The following C16orf74 variants were observed in gnomAD, a reference collection of about 807,000 sequenced individuals.
C16orf74 encodes the protein calcimembrin.
C16orf74 carries 10 observed loss-of-function variants against 6.5 expected under a neutral mutation model. The observed-to-expected ratio is 1.54, with a 90% CI of 0.95 to 2.61. The LOEUF (loss-of-function observed/expected upper bound fraction) is 2.61. Among genes scored for constraint, C16orf74 ranks in the 30% most tolerant of loss-of-function variants. The probability of loss-of-function intolerance (pLI) is 0.00; values close to 1 mark genes in which losing one functional copy is unlikely to be tolerated. For synonymous variants in C16orf74, 60 were observed against 42.5 expected (o/e 1.41, Z -1.60); for missense variants, 141 against 105.9 (o/e 1.33, Z -1.45).
rs549251335 is a variant in C16orf74, at chr16:85,741,427, A to T, written c.-18-6192T>A. ...GAGGGAAGGAGGGAAGAAGCAAACC[A>T]GAGGATGGGGGACCAGGAGCAGCTC... On this transcript the variant is annotated intron_variant, in intron 1 of 3. Transcript: ENST00000284245. Among the ~76,000 whole-genome samples, 9 of 152,300 alleles carry T rather than the reference A, an allele frequency of 5.9e-5. No homozygotes were observed. The South Asian group carries it at 1.9e-3, about 32-fold the overall frequency.
chr16:85,729,765 G>A (rs1461218266), intron 2 of C16orf74, among the ~76,000 whole-genome samples: 2 of 152,182 alleles, frequency 1.3e-5, no homozygotes, highest in Admixed American at 6.5e-5. Flanking sequence ...GGAAGGCCAC[G>A]TGAAGACAGA....
intron 2 of C16orf74, among the ~76,000 whole-genome samples, chr16:85,713,746 A>G (rs2053992255): frequency 7.6e-6 from 1 of 131,258 alleles, no homozygotes; most frequent in South Asian, 2.7e-4. Context: ...ACACGGTTCA[A>G]TCCTTAAAGC....
chr16:85,733,110 C>A (rs1219419197), intron 2 of C16orf74, among the ~76,000 whole-genome samples: 1 of 152,194 alleles, frequency 6.6e-6, no homozygotes, highest in African/African-American at 2.4e-5. Flanking sequence ...GTTTCTCCGT[C>A]AAAGATGTCC....
At chr16:85,745,449 T>C (rs1474651090) in intron 1 of C16orf74, among the ~76,000 whole-genome samples, 1 of 152,252 alleles carries the variant, frequency 6.6e-6, no homozygotes, top group Non-Finnish European at 1.5e-5. Context: ...GCTTGCCCTC[T>C]ACAGATTTTC....
intron 2 of C16orf74, among the ~76,000 whole-genome samples, chr16:85,712,936 C>T (rs1402415059): frequency 6.6e-6 from 1 of 152,194 alleles, no homozygotes; most frequent in Admixed American, 6.5e-5. Context: ...GGAGAGACAG[C>T]AGCCTGCAGC....
intron 1 of C16orf74, among the ~76,000 whole-genome samples, chr16:85,747,813 C>T (rs1319272937): frequency 6.6e-6 from 1 of 151,978 alleles, no homozygotes; most frequent in Non-Finnish European, 1.5e-5. Flanking sequence ...TCCAGCTGGG[C>T]GCAAGGACTC....
At chr16:85,726,871 G>C (rs539350299) in intron 2 of C16orf74, among the ~76,000 whole-genome samples, 3 of 152,046 alleles carry the variant, frequency 2.0e-5, no homozygotes, top group African/African-American at 7.2e-5. Context: ...TTGCTTCCCA[G>C]CCCGTGCCCA....
chr16:85,719,528 G>C (rs998152401), intron 2 of C16orf74, among the ~76,000 whole-genome samples: 1 of 152,104 alleles, frequency 6.6e-6, no homozygotes, highest in African/African-American at 2.4e-5. Context: ...GCACACTGAG[G>C]CACAGAGAAG....
intron 2 of C16orf74, among the ~76,000 whole-genome samples, chr16:85,727,013 C>T (rs543520793): frequency 6.6e-6 from 1 of 152,372 alleles, no homozygotes; most frequent in South Asian, 2.1e-4. Context: ...CCATCCAGCA[C>T]TGAGTTAGCA....
rs1189313327 is a variant in C16orf74, at chr16:85,724,239, G to A, written c.28+10951C>T. Reference sequence around the variant, plus strand: ...GCAACACAAAGCCAGGGAGACCCCCGGTGGGACCGTGAGTCCCAGCACCTC... The same window carrying A: ...GCAACACAAAGCCAGGGAGACCCCCAGTGGGACCGTGAGTCCCAGCACCTC... On this transcript the variant is annotated intron_variant, in intron 2 of 3. Transcript: ENST00000284245. Among the ~76,000 whole-genome samples the A allele has an allele frequency of 7.2e-5, 11 of 152,274 alleles. No individual in the cohort carries two copies. The East Asian group carries it at 1.5e-3, about 21-fold the overall frequency.
Position 85,707,995 on chromosome 16 carries a change from C to G in C16orf74, c.*13G>C. 1 of 1,551,774 alleles carries G rather than the reference C, an allele frequency of 6.4e-7. No individual in the cohort carries two copies. Among genetic ancestry groups the G allele is most frequent in the Middle Eastern group, 1.7e-4 (1 of 5,994 alleles). ...TGGAGCAGGAGCCAGCCAGCCAAAC[C>G]CAGGACACCTCCTCAGGCTTCTGGG... On this transcript the variant is annotated 3_prime_UTR_variant, in exon 4 of 4. Coordinates refer to ENST00000284245, the MANE Select transcript of C16orf74 (RefSeq NM_206967.3).
At chr16:85,746,236 G>C (rs908784725) in intron 1 of C16orf74, among the ~76,000 whole-genome samples, 1 of 152,136 alleles carries the variant, frequency 6.6e-6, no homozygotes, top group African/African-American at 2.4e-5. Flanking sequence ...TGTAATCCCA[G>C]CTACTAGGGA....
chr16:85,718,387 T>C (rs1041692214), intron 2 of C16orf74, among the ~76,000 whole-genome samples: 4 of 152,196 alleles, frequency 2.6e-5, no homozygotes, highest in African/African-American at 9.7e-5. Flanking sequence ...AAAACAGCGT[T>C]TGGGCTTGCA....
Position 85,710,180 on chromosome 16 carries a change from C to T in C16orf74, c.156G>A (p.Arg52=). ...PPTPTGMMLP[R]DLGSTVWLDE... is the part of the protein sequence containing the mutation. ...CGGCCTCACCTGTGCTCCCCAAGTC[C>T]CTCGGCAGCATCATGCCCGTGGGGG... Residue 52 remains arginine, a synonymous_variant, in exon 3 of 4, where the codon AGG becomes AGA. Transcript: ENST00000284245. The T allele has an allele frequency of 2.0e-6, 3 of 1,467,522 alleles. No individual in the cohort carries two copies. The highest frequency in any genetic ancestry group is 1.8e-6 in the Non-Finnish European group (2 of 1,119,390). The allele number at this position is 1,467,522 out of a possible 1,614,324, so 90.9% of individuals were successfully genotyped here.
chr16:85,741,736 T>G (rs1336124032), intron 1 of C16orf74: 1 of 168,974 alleles, frequency 5.9e-6, no homozygotes, highest in Admixed American at 6.5e-5. Flanking sequence ...CTGTGCCACC[T>G]CAAGCAGGTC....
At chr16:85,708,339 A>T (rs910833366) in intron 3 of C16orf74, among the ~76,000 whole-genome samples, 1 of 152,076 alleles carries the variant, frequency 6.6e-6, no homozygotes, top group Non-Finnish European at 1.5e-5. Flanking sequence ...CTATGCCCCC[A>T]CTGGTCCTGG....
chr16:85,718,714 G>A (rs1488562427), intron 2 of C16orf74, among the ~76,000 whole-genome samples: 1 of 152,244 alleles, frequency 6.6e-6, no homozygotes, highest in Non-Finnish European at 1.5e-5. Context: ...AAACTCCAGT[G>A]CTGGCCTCGC....
intron 3 of C16orf74, 24 bp from the exon 4 acceptor site, chr16:85,708,090 C>T (rs1452245906): frequency 1.9e-6 from 3 of 1,540,762 alleles, no homozygotes; most frequent in Admixed American, 2.0e-5. Flanking sequence ...GGGATGGACA[C>T]CTGGATGCAC....
intron 2 of C16orf74, among the ~76,000 whole-genome samples, chr16:85,724,666 A>G (rs1215700046): frequency 6.6e-6 from 1 of 152,094 alleles, no homozygotes; most frequent in Non-Finnish European, 1.5e-5. Context: ...GATGGGAATC[A>G]TGGGGATGAC....
Sources: gnomAD v4.1 joint callset for allele counts (sites outside exome capture counted in the v4.1 genomes callset) on GRCh38, gnomAD v4.1.1 for gene constraint, MANE v1.5 for transcripts, NCBI Gene and HGNC (gene_info 2026-07-23, HGNC 2026-07-21) for gene names.